RBM25: variants seen among roughly 807,000 people sequenced by gnomAD.
RBM25 encodes the protein RNA binding motif protein 25, also known as RNA-binding protein 25.
Under a neutral mutation model 120.7 loss-of-function variants are expected in RBM25, and 19 were observed. The ratio of observed to expected loss-of-function variants is 0.16; its 90% confidence interval spans 0.11 to 0.23. RBM25 has a LOEUF of 0.23. Ranked by LOEUF, RBM25 falls within the 10% of genes least tolerant of loss-of-function variation. The probability of loss-of-function intolerance (pLI) is 1.00; values close to 1 mark genes in which losing one functional copy is unlikely to be tolerated. For missense variants in RBM25, 605 were observed against 1,041.5 expected (o/e 0.58, Z 5.77); for synonymous variants, 390 against 326.7 (o/e 1.19, Z -2.09).
chr14:73,106,902 G>A (rs187983657), intron 12 of RBM25, among the ~76,000 whole-genome samples: 66 of 149,136 alleles, frequency 4.4e-4, no homozygotes, highest in Non-Finnish European at 6.8e-4. Context: ...GTGTGATCTC[G>A]GCTCACTGCA....
At position 73,099,962 on chromosome 14, in the gene RBM25, A is replaced by G. The variant is rs147941005; in HGVS notation, c.867+212A>G. On this transcript the variant is annotated intron_variant, in intron 9 of 18. Transcript: ENST00000261973. ...TGCTTAGTTTTTTCAGTTACTGACTATTCTGCAGTCATCTCACTTTAATAT... is the reference window on the plus strand; with the variant it reads ...TGCTTAGTTTTTTCAGTTACTGACTGTTCTGCAGTCATCTCACTTTAATAT... 107 of 634,652 alleles carry G rather than the reference A, an allele frequency of 1.7e-4. No individual in the cohort carries two copies. The East Asian group carries it at 3.0e-3, about 18-fold the overall frequency. 39.3% of individuals were successfully genotyped at this position (634,652 alleles called of 1,614,324 possible). A position where few individuals can be genotyped will look rare whatever the true frequency, so the allele number is the denominator to read the frequency against.
intron 12 of RBM25, 107 bp downstream of exon 12, chr14:73,106,392 T>C: frequency 1.2e-6 from 1 of 860,336 alleles, no homozygotes. Context: ...GCTTCTCTAT[T>C]CATGTATAAT....
Position 73,105,941 on chromosome 14 carries a change from C to T in RBM25, c.1237C>T (p.Arg413Ter). 6.2e-7 allele frequency: 1 copy of T among 1,605,694 alleles called. No homozygotes were observed. Among genetic ancestry groups the T allele is most frequent in the Non-Finnish European group, 8.5e-7 (1 of 1,176,442 alleles). Residue 413 changes from arginine (R) to a stop codon, truncating the protein, a stop_gained, in exon 11 of 19, where the codon CGA becomes TGA. Coordinates refer to ENST00000261973, the MANE Select transcript of RBM25 (RefSeq NM_021239.3). LOFTEE classifies it high-confidence loss of function. ...RERERERERERERERERERER... is the reference protein window; with the variant it reads ...RERERERERE ...ACGAGAGCGAGAACGAGAACGGGAG[C>T]GAGAGAGAGAGCGAGAGAGGGAACG... is the stretch of plus-strand genomic sequence containing the variant.
At position 73,121,717 on chromosome 14, in the gene RBM25, G is replaced by T. The variant is rs950555366; in HGVS notation, c.*1912G>T. The T allele has an allele frequency of 2.5e-4, 38 of 152,208 alleles. No individual in the cohort carries two copies. The highest frequency in any genetic ancestry group is 9.2e-4 in the African/African-American group (38 of 41,522). 9.4% of individuals were successfully genotyped at this position (152,208 alleles called of 1,614,324 possible). ...TTATTTAGCCACTATTAACATGAAG[G>T]TTTATTCAGGTAGATTTGATTTCCT... On this transcript the variant is annotated 3_prime_UTR_variant, in exon 19 of 19. Transcript: ENST00000261973.
At chr14:73,086,010 G>A (rs1895676527) in intron 5 of RBM25, among the ~76,000 whole-genome samples, 1 of 151,440 alleles carries the variant, frequency 6.6e-6, no homozygotes, top group South Asian at 2.1e-4. Flanking sequence ...GAACACCTTT[G>A]ACAGCTGCTT....
At chr14:73,070,137 A>G (rs943717435) in intron 1 of RBM25, among the ~76,000 whole-genome samples, 8 of 149,940 alleles carry the variant, frequency 5.3e-5, no homozygotes, top group African/African-American at 1.7e-4. Flanking sequence ...GCTGGAGTGC[A>G]GTGGATTACA....
chr14:73,091,950 A>G (rs1895825704), intron 6 of RBM25, among the ~76,000 whole-genome samples: 2 of 152,264 alleles, frequency 1.3e-5, no homozygotes, highest in Non-Finnish European at 2.9e-5. Flanking sequence ...AAAACAATTG[A>G]CAGATATCAG....
In RBM25 at chr14:73,121,688, GTTT is replaced by G. The variant is rs1183141003; in HGVS notation, c.*1886_*1888del. On this transcript the variant is annotated 3_prime_UTR_variant, in exon 19 of 19. Transcript: ENST00000261973. ...CTGTTCTTAAGCATCATATTGTGTT[GTTT>G]TTATTTAGCCACTATTAACATGAAG... is the stretch of plus-strand genomic sequence containing the variant. 4 of 152,076 alleles carry G rather than the reference GTTT, an allele frequency of 2.6e-5. No homozygotes were observed. The highest frequency in any genetic ancestry group is 9.7e-5 in the African/African-American group (4 of 41,406). 9.4% of individuals were successfully genotyped at this position (152,076 alleles called of 1,614,324 possible).
chr14:73,085,673 G>A (rs142308696), intron 5 of RBM25, among the ~76,000 whole-genome samples: 5 of 151,214 alleles, frequency 3.3e-5, no homozygotes, highest in East Asian at 2.0e-4. Context: ...TCTTGAACAC[G>A]TGACTTCAGG....
chr14:73,117,516 C>T (rs1333579867), intron 18 of RBM25, among the ~76,000 whole-genome samples: 1 of 152,106 alleles, frequency 6.6e-6, no homozygotes, highest in Non-Finnish European at 1.5e-5. Context: ...CAGGCGTGAG[C>T]CACTGTGCCC....
intron 6 of RBM25, among the ~76,000 whole-genome samples, chr14:73,089,230 C>G (rs903215349): frequency 1.3e-5 from 2 of 152,144 alleles, no homozygotes; most frequent in African/African-American, 4.8e-5. Flanking sequence ...CCAAAAAACT[C>G]ACAAAATGAA....
chr14:73,112,764 TA>T (rs2140463778), intron 17 of RBM25, among the ~76,000 whole-genome samples: 1 of 152,136 alleles, frequency 6.6e-6, no homozygotes, highest in Admixed American at 6.5e-5. Flanking sequence ...GGTATTGTGT[TA>T]GTTTTGTTTG....
At chr14:73,092,618 C>T (rs1384455061) in intron 6 of RBM25, among the ~76,000 whole-genome samples, 1 of 150,394 alleles carries the variant, frequency 6.6e-6, no homozygotes, top group Non-Finnish European at 1.5e-5. Flanking sequence ...ACATGTTCAC[C>T]ACGTGCAGGT....
At chr14:73,114,080 C>G (rs2140464983) in intron 17 of RBM25, among the ~76,000 whole-genome samples, 1 of 151,292 alleles carries the variant, frequency 6.6e-6, no homozygotes, top group Admixed American at 6.6e-5. Flanking sequence ...TAAAATTAGA[C>G]TACAGACCAC....
chr14:73,075,076 A>G (rs906747202), intron 2 of RBM25, among the ~76,000 whole-genome samples: 1 of 151,582 alleles, frequency 6.6e-6, no homozygotes, highest in Non-Finnish European at 1.5e-5. Flanking sequence ...GCACAATGCT[A>G]GCACACCGCA....
At chr14:73,064,892 G>T (rs1372907562) in intron 1 of RBM25, 1 of 150,600 alleles carries the variant, frequency 6.6e-6, no homozygotes, top group Non-Finnish European at 1.5e-5. Flanking sequence ...TAACTCTGCA[G>T]AATGAATTAC....
intron 9 of RBM25, chr14:73,100,053 A>AG (rs1896027614): frequency 2.2e-6 from 1 of 464,808 alleles, no homozygotes; most frequent in Non-Finnish European, 3.7e-6. Context: ...AATTAGATTC[A>AG]GGGGGCAGCA....
chr14:73,117,216 T>TC (rs1896452034), intron 18 of RBM25, among the ~76,000 whole-genome samples: 1 of 22,018 alleles, frequency 4.5e-5, no homozygotes, highest in Non-Finnish European at 9.6e-5. Context: ...TTTTCTTTTT[T>TC]TTTTTTTTTT....
chr14:73,075,697 G>A (rs894455511), intron 2 of RBM25, among the ~76,000 whole-genome samples: 1 of 151,958 alleles, frequency 6.6e-6, no homozygotes, highest in Non-Finnish European at 1.5e-5. Flanking sequence ...GTTGTTGTGA[G>A]AACACCCTAG....
Sources: gnomAD v4.1 joint callset for allele counts (sites outside exome capture counted in the v4.1 genomes callset) on GRCh38, gnomAD v4.1.1 for gene constraint, MANE v1.5 for transcripts, NCBI Gene and HGNC (gene_info 2026-07-23, HGNC 2026-07-21) for gene names.